Variants in SPARCL1 observed in about 807,000 individuals in gnomAD.
SPARCL1 encodes SPARC-like protein 1.
SPARCL1 carries 52 observed loss-of-function variants against 67.1 expected under a neutral mutation model. That is an observed-to-expected ratio of 0.78 (90% CI 0.62 to 0.98). The LOEUF is 0.98. Among genes scored for constraint, SPARCL1 ranks in the 50% least tolerant of loss-of-function variants. The pLI, the probability that SPARCL1 is intolerant of heterozygous loss-of-function variation, is 0.00. For missense variants in SPARCL1, 717 were observed against 782.4 expected, an observed-to-expected ratio of 0.92 and a Z score of 1.00; for synonymous variants, 226 against 267.8, an observed-to-expected ratio of 0.84 and a Z score of 1.52.
At chr4:87,511,996 A>T (rs1177302805) in intron 1 of SPARCL1, among the ~76,000 whole-genome samples, 2 of 116,062 alleles carry the variant, frequency 1.7e-5, no homozygotes, top group East Asian at 2.6e-4. Context: ...ACAGAGTCTC[A>T]CTCTGTTTTC....
chr4:87,511,454 A>G (rs1725351064), intron 1 of SPARCL1, among the ~76,000 whole-genome samples: 1 of 152,162 alleles, frequency 6.6e-6, no homozygotes, highest in Admixed American at 6.5e-5. Flanking sequence ...TTGGGTAGAT[A>G]GGTCTGGAGG....
intron 8 of SPARCL1, among the ~76,000 whole-genome samples, chr4:87,480,817 C>A (rs1292021620): frequency 3.0e-5 from 4 of 133,628 alleles, no homozygotes; most frequent in Non-Finnish European, 6.1e-5. Context: ...GTAATGTTCG[C>A]TGCTTTTTTT....
intron 10 of SPARCL1, among the ~76,000 whole-genome samples, chr4:87,475,111 T>C (rs1723535013): frequency 6.6e-6 from 1 of 152,210 alleles, no homozygotes; most frequent in African/African-American, 2.4e-5. Flanking sequence ...TTCTAAAAAA[T>C]GCTCCCCTTT....
Position 87,528,151 on chromosome 4 carries a change from T to C in SPARCL1, c.-12+894A>G, listed in dbSNP as rs1726128276. 4.6e-5 allele frequency: 7 copies of C among 152,152 alleles called. No homozygotes were observed. In the South Asian group the frequency reaches 1.4e-3, roughly 32 times the overall value. The allele number at this position is 152,152 out of a possible 1,614,324, so 9.4% of individuals were successfully genotyped here. A position where few individuals can be genotyped will look rare whatever the true frequency, so the allele number is the denominator to read the frequency against. ...CTCTTGGTGTACTGTTTCAACAGTA[T>C]TGATCTGCAGTTAAAAGCATGTTTT... On this transcript the variant is annotated intron_variant, in intron 1 of 10. Transcript: ENST00000282470.
At chr4:87,481,305 T>A (rs1723813032) in intron 8 of SPARCL1, among the ~76,000 whole-genome samples, 1 of 152,142 alleles carries the variant, frequency 6.6e-6, no homozygotes, top group Non-Finnish European at 1.5e-5. Flanking sequence ...CCCACTAACA[T>A]TTCCTTCTTG....
At chr4:87,485,391 C>G (rs896854071) in intron 7 of SPARCL1, among the ~76,000 whole-genome samples, 4 of 152,158 alleles carry the variant, frequency 2.6e-5, no homozygotes, top group African/African-American at 9.7e-5. Flanking sequence ...TATGTTGAAC[C>G]ATCCTTGCAT....
intron 1 of SPARCL1, among the ~76,000 whole-genome samples, chr4:87,525,778 G>A (rs1726012989): frequency 6.6e-6 from 1 of 152,178 alleles, no homozygotes; most frequent in East Asian, 1.9e-4. Context: ...GGATTTTAAA[G>A]CAGACTAAGA....
intron 9 of SPARCL1, 137 bp downstream of exon 9, chr4:87,480,235 C>T (rs1723755771): frequency 1.7e-6 from 1 of 595,282 alleles, no homozygotes; most frequent in Non-Finnish European, 2.6e-6. Flanking sequence ...TGTGTTTAGA[C>T]TCCTAACCAG....
intron 7 of SPARCL1, among the ~76,000 whole-genome samples, chr4:87,489,761 G>A (rs1724235251): frequency 6.6e-6 from 1 of 152,196 alleles, no homozygotes; most frequent in Non-Finnish European, 1.5e-5. Flanking sequence ...TGTCTGGAAG[G>A]GGAGGAGACC....
At chr4:87,499,818 C>T (rs966706185) in intron 1 of SPARCL1, among the ~76,000 whole-genome samples, 7 of 152,196 alleles carry the variant, frequency 4.6e-5, no homozygotes, top group African/African-American at 1.7e-4. Context: ...CAGAACCTAT[C>T]TCTGTTTATG....
intron 9 of SPARCL1, among the ~76,000 whole-genome samples, chr4:87,479,852 G>A (rs573516533): frequency 6.6e-6 from 1 of 152,210 alleles, no homozygotes; most frequent in Admixed American, 6.5e-5. Context: ...GTACAACCTG[G>A]TTCTCATCTA....
rs115487792 is a variant in SPARCL1, at chr4:87,498,480, G to A, written c.54+1041C>T. Among the ~76,000 whole-genome samples, 805 of 152,286 alleles carry A rather than the reference G, an allele frequency of 5.3e-3. 7 individuals are homozygous for A. Among genetic ancestry groups the A allele is most frequent in the African/African-American group, 0.019 (783 of 41,548 alleles). ...GTGAAAAAGAAAAAAAATATGGCAC[G>A]AATCCTTTGGTTTAATGAAGGATTA... On this transcript the variant is annotated intron_variant, in intron 2 of 10. Coordinates refer to ENST00000282470, the MANE Select transcript of SPARCL1 (RefSeq NM_004684.6).
chr4:87,522,065 G>C (rs1725840845), intron 1 of SPARCL1, among the ~76,000 whole-genome samples: 1 of 152,166 alleles, frequency 6.6e-6, no homozygotes, highest in Admixed American at 6.5e-5. Context: ...TATACGTGCT[G>C]TTACCTGATC....
chr4:87,489,155 G>C (rs1468813496), intron 7 of SPARCL1, among the ~76,000 whole-genome samples: 1 of 152,196 alleles, frequency 6.6e-6, no homozygotes, highest in East Asian at 1.9e-4. Context: ...AACTCCTGTA[G>C]CTAGCTCGGT....
At chr4:87,503,600 C>T (rs758876365) in intron 1 of SPARCL1, among the ~76,000 whole-genome samples, 1 of 151,558 alleles carries the variant, frequency 6.6e-6, no homozygotes, top group Non-Finnish European at 1.5e-5. Flanking sequence ...TTATCATCAT[C>T]ATTTTTAGTG....
intron 1 of SPARCL1, among the ~76,000 whole-genome samples, chr4:87,525,273 A>G (rs1445645359): frequency 6.6e-6 from 1 of 152,188 alleles, no homozygotes; most frequent in Non-Finnish European, 1.5e-5. Flanking sequence ...TGGGTTAGAT[A>G]CTGTAATAAA....
intron 1 of SPARCL1, among the ~76,000 whole-genome samples, chr4:87,504,633 CT>C (rs1724997953): frequency 6.6e-6 from 1 of 152,090 alleles, no homozygotes; most frequent in Admixed American, 6.5e-5. Flanking sequence ...CCCACTCCAG[CT>C]TTTTTCTAGT....
chr4:87,480,668 C>T (rs941804481), intron 8 of SPARCL1, 148 bp from the exon 9 acceptor site: 44 of 648,906 alleles, frequency 6.8e-5, no homozygotes, highest in African/African-American at 5.5e-4. Flanking sequence ...AAATTCCTTC[C>T]AATCAATACT....
intron 1 of SPARCL1, among the ~76,000 whole-genome samples, chr4:87,505,482 T>C (rs181309496): frequency 2.6e-3 from 395 of 152,238 alleles, no homozygotes; most frequent in Non-Finnish European, 4.4e-3. Context: ...AAATTCAATG[T>C]TTACTTATTT....
Sources: allele counts gnomAD v4.1 joint callset (sites outside exome capture counted in the v4.1 genomes callset), GRCh38; gene constraint gnomAD v4.1.1; transcripts MANE v1.5; gene names NCBI Gene and HGNC (gene_info 2026-07-23, HGNC 2026-07-21).